The following SPINK2 variants were observed in gnomAD, a reference collection of about 807,000 sequenced individuals.
SPINK2 encodes serine peptidase inhibitor Kazal type 2.
Under a neutral mutation model 13.5 loss-of-function variants are expected in SPINK2, and 8 were observed. That is an observed-to-expected ratio of 0.59 (90% CI 0.35 to 1.07). SPINK2 has a LOEUF of 1.07. Among genes scored for constraint, SPINK2 ranks in the 50% least tolerant of loss-of-function variants. SPINK2 has a pLI of 0.02. For missense variants in SPINK2, 148 were observed against 180.3 expected, an observed-to-expected ratio of 0.82 and a Z score of 1.03; for synonymous variants, 76 against 74.7, an observed-to-expected ratio of 1.02 and a Z score of -0.09.
chr4:56,819,632 T>C (rs1400114347), intron 2 of SPINK2, among the ~76,000 whole-genome samples: 1 of 151,490 alleles, frequency 6.6e-6, no homozygotes, highest in Non-Finnish European at 1.5e-5. Context: ...TTTTTTTTTT[T>C]TGAGATGAAG....
chr4:56,815,744 T>C (rs941938983), intron 2 of SPINK2, among the ~76,000 whole-genome samples: 2 of 147,836 alleles, frequency 1.4e-5, no homozygotes, highest in African/African-American at 5.0e-5. Flanking sequence ...TCTTGTTATA[T>C]AGAAATTCCT....
At chr4:56,818,504 C>CA (rs1022366755) in intron 2 of SPINK2, among the ~76,000 whole-genome samples, 3 of 151,962 alleles carry the variant, frequency 2.0e-5, no homozygotes, top group Non-Finnish European at 4.4e-5. Context: ...ACCAAAAATA[C>CA]AAAAAAATTA....
rs541338886 is a variant in SPINK2 at position 56,810,249 on chromosome 4, G to A, written c.360-65C>T. The A allele has an allele frequency of 2.9e-5, 39 of 1,365,684 alleles. 1 individual carries two copies. The African/African-American group carries it at 5.1e-4, about 18-fold the overall frequency. 84.6% of individuals were successfully genotyped at this position (1,365,684 alleles called of 1,614,324 possible). A position where few individuals can be genotyped will look rare whatever the true frequency, so the allele number is the denominator to read the frequency against. On this transcript the variant is annotated intron_variant, in intron 3 of 3. Transcript: ENST00000506738. ...CCATACTGAAACTGTCTCATTATTT[G>A]TGTTAAAAAGACCCATGTAGATAGA...
intron 2 of SPINK2, among the ~76,000 whole-genome samples, chr4:56,815,399 G>A (rs1328713340): frequency 6.6e-6 from 1 of 152,104 alleles, no homozygotes; most frequent in Non-Finnish European, 1.5e-5. Context: ...AAAGGAAGAA[G>A]TAAAACTATC....
intron 2 of SPINK2, among the ~76,000 whole-genome samples, chr4:56,814,971 A>C (rs4992859): frequency 1.6e-5 from 2 of 124,440 alleles, no homozygotes; most frequent in Non-Finnish European, 3.4e-5. Flanking sequence ...AAAAAAAAAA[A>C]AAAAAAAAAA....
intron 2 of SPINK2, 94 bp downstream of exon 2, chr4:56,820,442 A>G (rs775213221): frequency 6.1e-5 from 56 of 923,638 alleles, no homozygotes; most frequent in Non-Finnish European, 7.8e-5. Context: ...ATGGTTTCAA[A>G]AGTGGCAGGT....
At chr4:56,814,658 AT>A in intron 2 of SPINK2, among the ~76,000 whole-genome samples, 1 of 151,724 alleles carries the variant, frequency 6.6e-6, no homozygotes, top group East Asian at 2.0e-4. Context: ...CTCTTTTATG[AT>A]TTTTTTTAAA....
At chr4:56,820,627 G>A (rs1717856669) in intron 1 of SPINK2, 48 bp from the exon 2 acceptor site, 1 of 1,464,144 alleles carries the variant, frequency 6.8e-7, no homozygotes, top group Admixed American at 1.8e-5. Flanking sequence ...TCAAGGTAAG[G>A]TATTGTTCAT....
intron 2 of SPINK2, among the ~76,000 whole-genome samples, chr4:56,814,567 A>C (rs1717267145): frequency 6.6e-6 from 1 of 151,948 alleles, no homozygotes; most frequent in Non-Finnish European, 1.5e-5. Flanking sequence ...TACCGCAAGG[A>C]AATAAAATTG....
In SPINK2 at chr4:56,820,660, G is replaced by C. The variant is rs763341694; in HGVS notation, c.206-81C>G. 3.3e-4 allele frequency: 380 copies of C among 1,156,652 alleles called. 1 individual carries two copies. Among genetic ancestry groups the C allele is most frequent in the Non-Finnish European group, 4.5e-4 (354 of 793,054 alleles). The allele number at this position is 1,156,652 out of a possible 1,614,324, so 71.6% of individuals were successfully genotyped here. A position where few individuals can be genotyped will look rare whatever the true frequency, so the allele number is the denominator to read the frequency against. ...CATGAAGTTTTTTTTTTTTTTAAATGAAGTCTTGCTATGTTGCCCAGGCTG... is the reference window on the plus strand; with the variant it reads ...CATGAAGTTTTTTTTTTTTTTAAATCAAGTCTTGCTATGTTGCCCAGGCTG... On this transcript the variant is annotated intron_variant, in intron 1 of 3. Transcript: ENST00000506738.
chr4:56,819,367 T>G (rs1386586687), intron 2 of SPINK2, among the ~76,000 whole-genome samples: 1 of 152,182 alleles, frequency 6.6e-6, no homozygotes, highest in East Asian at 1.9e-4. Flanking sequence ...TCTTACAACA[T>G]CATTGTGAGA....
intron 2 of SPINK2, among the ~76,000 whole-genome samples, chr4:56,819,614 C>CTT (rs140670436): frequency 2.1e-5 from 2 of 96,056 alleles, no homozygotes; most frequent in African/African-American, 4.5e-5. Flanking sequence ...ACTTTTTTTT[C>CTT]TTTCTTTTTT....
At chr4:56,815,050 A>T (rs1230196437) in intron 2 of SPINK2, among the ~76,000 whole-genome samples, 1 of 151,830 alleles carries the variant, frequency 6.6e-6, no homozygotes, top group Non-Finnish European at 1.5e-5. Context: ...ACTCCATTGC[A>T]CTCCAGCCTA....
At chr4:56,818,242 G>A (rs1304632380) in intron 2 of SPINK2, 1 of 152,114 alleles carries the variant, frequency 6.6e-6, no homozygotes, top group African/African-American at 2.4e-5. Context: ...GCGAAGCAGT[G>A]GAATAGAAAA....
At chr4:56,820,221 G>T (rs1398825909) in intron 2 of SPINK2, among the ~76,000 whole-genome samples, 1 of 152,168 alleles carries the variant, frequency 6.6e-6, no homozygotes, top group Non-Finnish European at 1.5e-5. Flanking sequence ...GCCTTTGCTT[G>T]TTCTCATTTG....
In SPINK2 at chr4:56,821,604, C is replaced by T. The variant is rs370206021; in HGVS notation, c.59G>A (p.Ser20Asn). The change falls in exon 1 of 4, where the codon AGC (serine) becomes AAC (asparagine). Residue 20 changes from serine to asparagine, a missense_variant. Coordinates refer to ENST00000506738, the MANE Select transcript of SPINK2 (RefSeq NM_001271718.2). ...CCGCTCGCCAGGACCGCTCCGAGCG[C>T]TACCTGCGAAGGTAACTGCCAGGAG... ...LLLLAVTFAG[S>N]ARSGPGERGP... 5 of 1,549,490 alleles carry T rather than the reference C, an allele frequency of 3.2e-6. No homozygotes were observed. In the Admixed American group the frequency reaches 7.8e-5, roughly 24 times the overall value.
intron 1 of SPINK2, 99 bp from the exon 2 acceptor site, chr4:56,820,678 C>A: frequency 9.5e-7 from 1 of 1,057,954 alleles, no homozygotes; most frequent in Admixed American, 2.1e-5. Flanking sequence ...GCTATGTTGC[C>A]CAGGCTGGTC....
chr4:56,821,410 C>A, intron 1 of SPINK2, 48 bp downstream of exon 1: 1 of 1,465,042 alleles, frequency 6.8e-7, no homozygotes, highest in South Asian at 1.4e-5. Flanking sequence ...AAGAGGGTGG[C>A]TGACTCCACA....
At chr4:56,812,080 G>C (rs924260645) in intron 2 of SPINK2, among the ~76,000 whole-genome samples, 2 of 151,004 alleles carry the variant, frequency 1.3e-5, no homozygotes, top group Non-Finnish European at 2.9e-5. Flanking sequence ...ATTTTTAGTA[G>C]AGACAGGGTT....
Sources: gnomAD v4.1 joint callset for allele counts (sites outside exome capture counted in the v4.1 genomes callset) on GRCh38, gnomAD v4.1.1 for gene constraint, MANE v1.5 for transcripts, NCBI Gene and HGNC (gene_info 2026-07-23, HGNC 2026-07-21) for gene names.